ARFGEF2: variants seen among roughly 807,000 people sequenced by gnomAD.
The protein encoded by ARFGEF2 is brefeldin A-inhibited guanine nucleotide-exchange protein 2.
In ARFGEF2, 74 loss-of-function variants were observed where a neutral mutation model predicts 219.9. The observed-to-expected ratio is 0.34, with a 90% CI of 0.28 to 0.41. The LOEUF is 0.41. ARFGEF2 is among the 10% of genes least tolerant of loss of function. The pLI, the probability that ARFGEF2 is intolerant of heterozygous loss-of-function variation, is 1.00. For missense variants in ARFGEF2, 1,743 were observed against 2,218.3 expected, an observed-to-expected ratio of 0.79 and a Z score of 4.30; for synonymous variants, 733 against 799.2, an observed-to-expected ratio of 0.92 and a Z score of 1.40.
chr20:48,950,806 AAAAAAATATATATAT>A (rs1329802694), intron 3 of ARFGEF2, among the ~76,000 whole-genome samples: 5 of 43,384 alleles, frequency 1.2e-4, no homozygotes, highest in Middle Eastern at 8.5e-3. Flanking sequence ...AAAAAAAAAA[AAAAAAATATATATAT>A]ATATATATAT....
Position 48,952,702 on chromosome 20 carries a change from T to C in ARFGEF2, c.424-3T>C. Reference sequence around the variant, plus strand: ...TGGTGAAGGTCGCGGATTTCTATTTTAGGCTCTTCTGACTGCAGTGACTTC... The same window carrying C: ...TGGTGAAGGTCGCGGATTTCTATTTCAGGCTCTTCTGACTGCAGTGACTTC... On this transcript the variant is annotated splice_polypyrimidine_tract_variant and splice_region_variant and intron_variant, in intron 4 of 38. Transcript: ENST00000371917. The C allele has an allele frequency of 6.2e-7, 1 of 1,614,228 alleles. No individual in the cohort carries two copies. Among genetic ancestry groups the C allele is most frequent in the Non-Finnish European group, 8.5e-7 (1 of 1,180,030 alleles).
chr20:48,973,302 A>G lies in ARFGEF2; in HGVS notation c.1665+18A>G. 1 of 1,613,712 alleles carries G rather than the reference A, an allele frequency of 6.2e-7. No individual in the cohort carries two copies. Among genetic ancestry groups the G allele is most frequent in the East Asian group, 2.2e-5 (1 of 44,866 alleles). On this transcript the variant is annotated intron_variant, in intron 12 of 38. Coordinates refer to ENST00000371917, the MANE Select transcript of ARFGEF2 (RefSeq NM_006420.3). Reference sequence around the variant, plus strand: ...CTCTGCAGGTAAAAACACTGTGGACACTCAATTATATTAAAGTTTATTCAT... The same window carrying G: ...CTCTGCAGGTAAAAACACTGTGGACGCTCAATTATATTAAAGTTTATTCAT...
At chr20:49,008,154 G>A (rs368654573) in intron 26 of ARFGEF2, among the ~76,000 whole-genome samples, 1 of 152,100 alleles carries the variant, frequency 6.6e-6, no homozygotes, top group African/African-American at 2.4e-5. Context: ...ATAGTAAAGC[G>A]TTATATGTCA....
chr20:49,026,647 G>A (rs375172171), intron 36 of ARFGEF2, among the ~76,000 whole-genome samples: 2 of 149,830 alleles, frequency 1.3e-5, no homozygotes, highest in South Asian at 2.1e-4. Context: ...GTGCAGTGGC[G>A]CAGTCTCGGC....
chr20:48,921,919 C>T lies in ARFGEF2; in HGVS notation c.30C>T (p.Phe10=), dbSNP rs2090842977. 5 of 1,554,178 alleles carry T rather than the reference C, an allele frequency of 3.2e-6. No individual in the cohort carries two copies. The East Asian group carries it at 1.2e-4, about 38-fold the overall frequency. The change falls in exon 1 of 39, where the codon TTC becomes TTT. Residue 10 remains phenylalanine, a synonymous_variant. Coordinates refer to ENST00000371917, the MANE Select transcript of ARFGEF2 (RefSeq NM_006420.3). Reference sequence around the variant, plus strand: ...AGGAGAGCCAGACCAAGAGCATGTTCGTGTCCCGGGCCCTGGAGAAGATCC... The same window carrying T: ...AGGAGAGCCAGACCAAGAGCATGTTTGTGTCCCGGGCCCTGGAGAAGATCC... The part of the protein sequence containing the change: MQESQTKSM[F]VSRALEKILA...
chr20:48,940,189 G>A (rs1334578067), intron 1 of ARFGEF2, among the ~76,000 whole-genome samples: 1 of 152,138 alleles, frequency 6.6e-6, no homozygotes, highest in Non-Finnish European at 1.5e-5. Flanking sequence ...CCCTGCCAAG[G>A]GTAGTGCAAC....
At chr20:48,972,842 T>TGTGCCACAAATTACATCAAA (rs1236535181) in intron 11 of ARFGEF2, among the ~76,000 whole-genome samples, 3 of 152,202 alleles carry the variant, frequency 2.0e-5, no homozygotes, top group East Asian at 3.8e-4. Context: ...AAATGTAATT[T>TGTGCCACAAATTACATCAAA]TGTAAGAGTG....
At chr20:49,019,034 C>A (rs773584074) in intron 34 of ARFGEF2, 36 bp downstream of exon 34, 1 of 1,515,084 alleles carries the variant, frequency 6.6e-7, no homozygotes, top group Non-Finnish European at 9.1e-7. Flanking sequence ...AAATAAGTAA[C>A]ATGTTTATGT....
intron 22 of ARFGEF2, 80 bp downstream of exon 22, chr20:48,994,678 T>C: frequency 6.3e-7 from 1 of 1,579,266 alleles, no homozygotes; most frequent in African/African-American, 1.3e-5. Flanking sequence ...TCATCAGGAC[T>C]GTCCTGTAAA....
rs869105434 is a variant in ARFGEF2, at chr20:49,031,220, CTTTTTTTTTTTTTT to C, written c.5064-813_5064-800del. ...CTCACAACAACCCCTTGAGTTTGGACTTTTTTTTTTTTTTTTTTTTTTTTTTTTTGAGATAGTCT... is the reference window on the plus strand; with the variant it reads ...CTCACAACAACCCCTTGAGTTTGGACTTTTTTTTTTTTTTTGAGATAGTCT... On this transcript the variant is annotated intron_variant, in intron 37 of 38. Transcript: ENST00000371917. Among the ~76,000 whole-genome samples, 8 of 59,414 alleles carry C rather than the reference CTTTTTTTTTTTTTT, an allele frequency of 1.3e-4. No individual in the cohort carries two copies. In the South Asian group the frequency reaches 4.8e-3, roughly 35 times the overall value. The allele number at this position is 59,414 out of a possible 152,430, so 39.0% of individuals were successfully genotyped here.
chr20:49,017,672 T>C, intron 33 of ARFGEF2, 122 bp downstream of exon 33: 1 of 921,990 alleles, frequency 1.1e-6, no homozygotes. Context: ...GATCTAAAAA[T>C]AGTATATATT....
chr20:49,012,394 A>C (rs772357954), intron 28 of ARFGEF2, among the ~76,000 whole-genome samples: 1 of 152,248 alleles, frequency 6.6e-6, no homozygotes, highest in Non-Finnish European at 1.5e-5. Context: ...TATTTGAAAG[A>C]AAACAAACCT....
chr20:49,021,576 G>A (rs1344487902), intron 34 of ARFGEF2, among the ~76,000 whole-genome samples: 2 of 151,598 alleles, frequency 1.3e-5, no homozygotes, highest in Admixed American at 6.6e-5. Flanking sequence ...GGCCGGGCGC[G>A]GTGGCTCACA....
chr20:49,031,989 C>T, intron 37 of ARFGEF2, 60 bp from the exon 38 acceptor site: 2 of 1,095,030 alleles, frequency 1.8e-6, no homozygotes, highest in Non-Finnish European at 2.8e-6. Context: ...AATAGTTCTC[C>T]CCTGAATGTG....
At chr20:48,940,424 CACT>C (rs370316694) in intron 1 of ARFGEF2, among the ~76,000 whole-genome samples, 34 of 152,272 alleles carry the variant, frequency 2.2e-4, no homozygotes, top group African/African-American at 8.2e-4. Flanking sequence ...ATCATCATCC[CACT>C]ACTTAGACAA....
chr20:48,985,349 C>G, intron 15 of ARFGEF2, 59 bp from the exon 16 acceptor site: 1 of 1,581,394 alleles, frequency 6.3e-7, no homozygotes, highest in Non-Finnish European at 8.7e-7. Context: ...TGGCTGCTGG[C>G]TTTTGCTGAG....
chr20:49,015,141 G>A (rs1482250804), intron 30 of ARFGEF2, among the ~76,000 whole-genome samples: 2 of 152,184 alleles, frequency 1.3e-5, no homozygotes, highest in African/African-American at 4.8e-5. Context: ...TTGAGACAGA[G>A]TCTTGCTCTG....
intron 1 of ARFGEF2, among the ~76,000 whole-genome samples, chr20:48,939,936 G>A (rs1044759770): frequency 4.6e-5 from 7 of 152,138 alleles, no homozygotes; most frequent in African/African-American, 1.7e-4. Flanking sequence ...AAAGGAGGCT[G>A]GCCTTTTGGA....
chr20:48,973,340 T>G, intron 12 of ARFGEF2, 56 bp downstream of exon 12: 1 of 1,585,402 alleles, frequency 6.3e-7, no homozygotes, highest in South Asian at 1.1e-5. Flanking sequence ...CAATAAACAT[T>G]TATTGAGTGC....
Sources: gnomAD v4.1 joint callset for allele counts (sites outside exome capture counted in the v4.1 genomes callset) on GRCh38, gnomAD v4.1.1 for gene constraint, MANE v1.5 for transcripts, NCBI Gene and HGNC (gene_info 2026-07-23, HGNC 2026-07-21) for gene names.